Variants in DYRK1A observed in about 807,000 individuals in gnomAD.
DYRK1A encodes dual specificity tyrosine-phosphorylation-regulated kinase 1A.
A neutral mutation model predicts 79.7 loss-of-function variants in DYRK1A; 9 were observed. The observed-to-expected ratio is 0.11, with a 90% confidence interval of 0.07 to 0.20. The LOEUF (loss-of-function observed/expected upper bound fraction) is 0.20, where lower values mean the gene tolerates loss of function less well. Among genes scored for constraint, DYRK1A ranks in the 10% least tolerant of loss-of-function variants. The probability of loss-of-function intolerance (pLI) is 1.00; values close to 1 mark genes in which losing one functional copy is unlikely to be tolerated. For synonymous variants in DYRK1A, 349 were observed against 329.7 expected (o/e 1.06, Z -0.63); for missense variants, 622 against 956.0 (o/e 0.65, Z 4.61).
chr21:37,473,837 T>G (rs1409136563), intron 3 of DYRK1A, among the ~76,000 whole-genome samples: 2 of 152,188 alleles, frequency 1.3e-5, no homozygotes, highest in East Asian at 3.8e-4. Flanking sequence ...GACTTAAGAT[T>G]TTATGTAGTG....
rs576238411 is a variant in DYRK1A at position 37,420,624 on chromosome 21, A to G, written c.10+240A>G. 6.6e-5 allele frequency among the ~76,000 whole-genome samples: 10 copies of G among 152,270 alleles called. No homozygotes were observed. In the South Asian group the frequency reaches 1.5e-3, roughly 22 times the overall value. On this transcript the variant is annotated intron_variant, in intron 2 of 11. Transcript: ENST00000647188. ...GTAAATGCTAGCACTTAGGCTTTTC[A>G]AGAGCTAATATTTTGGTGGGAATTG...
At chr21:37,446,960 A>T (rs528512733) in intron 2 of DYRK1A, among the ~76,000 whole-genome samples, 1 of 152,188 alleles carries the variant, frequency 6.6e-6, no homozygotes, top group African/African-American at 2.4e-5. Flanking sequence ...CCTGATTGTT[A>T]CTAGTCTTGC....
intron 2 of DYRK1A, among the ~76,000 whole-genome samples, chr21:37,431,629 T>C (rs1428381432): frequency 6.6e-6 from 1 of 152,196 alleles, no homozygotes; most frequent in Non-Finnish European, 1.5e-5. Flanking sequence ...GGATGACTAC[T>C]TACCCCTTGC....
rs535490797 is a variant in DYRK1A, at chr21:37,431,895, G to T, written c.10+11511G>T. Among the ~76,000 whole-genome samples the T allele has an allele frequency of 6.0e-5, 9 of 150,808 alleles. No homozygotes were observed. In the East Asian group the frequency reaches 1.8e-3, roughly 30 times the overall value. ...CCCTAAAGTTAATTTGCAAGAAATT[G>T]ATACAAAAATACTTTATGTAGTTTG... On this transcript the variant is annotated intron_variant, in intron 2 of 11. Coordinates refer to ENST00000647188, the MANE Select transcript of DYRK1A (RefSeq NM_001347721.2).
At chr21:37,406,755 A>ATC (rs1569297335) in intron 1 of DYRK1A, among the ~76,000 whole-genome samples, 2 of 44,342 alleles carry the variant, frequency 4.5e-5, no homozygotes, top group Non-Finnish European at 1.2e-4. Context: ...ATCTCTATAT[A>ATC]TCTATATATG....
chr21:37,439,872 T>G (rs972896785), intron 2 of DYRK1A, among the ~76,000 whole-genome samples: 5 of 152,282 alleles, frequency 3.3e-5, no homozygotes, highest in African/African-American at 1.2e-4. Context: ...TTTTTATTTT[T>G]TAGTTAATTT....
intron 1 of DYRK1A, among the ~76,000 whole-genome samples, chr21:37,376,530 C>T (rs1025528747): frequency 1.3e-5 from 2 of 151,956 alleles, no homozygotes; most frequent in South Asian, 4.2e-4. Flanking sequence ...AGAAATATCA[C>T]CTTGTGGTAT....
chr21:37,425,831 A>T (rs1489877508), intron 2 of DYRK1A: 4 of 152,374 alleles, frequency 2.6e-5, no homozygotes, highest in South Asian at 2.1e-4. Flanking sequence ...TGGTATCAGC[A>T]TTTGTGCAGA....
intron 2 of DYRK1A, among the ~76,000 whole-genome samples, chr21:37,456,504 G>C (rs751994247): frequency 1.8e-4 from 27 of 152,168 alleles, no homozygotes; most frequent in Non-Finnish European, 3.7e-4. Flanking sequence ...AGGCTGTTTG[G>C]AAAGAACGTC....
chr21:37,395,405 CTG>C (rs2049942660), intron 1 of DYRK1A, among the ~76,000 whole-genome samples: 2 of 152,126 alleles, frequency 1.3e-5, no homozygotes, highest in South Asian at 4.1e-4. Context: ...CAGCTTGAAT[CTG>C]TGCTCCCGCT....
chr21:37,411,953 G>A (rs1001932666), intron 1 of DYRK1A, among the ~76,000 whole-genome samples: 1 of 152,116 alleles, frequency 6.6e-6, no homozygotes, highest in Non-Finnish European at 1.5e-5. Flanking sequence ...GTATTCCGCT[G>A]TGCCAATCTG....
At chr21:37,485,297 A>G (rs2052816620) in intron 5 of DYRK1A, among the ~76,000 whole-genome samples, 1 of 152,214 alleles carries the variant, frequency 6.6e-6, no homozygotes. Flanking sequence ...CAGTCAGTAC[A>G]TCCAGTGAAG....
intron 2 of DYRK1A, among the ~76,000 whole-genome samples, chr21:37,449,329 A>G (rs906775877): frequency 6.6e-6 from 1 of 152,218 alleles, no homozygotes; most frequent in Non-Finnish European, 1.5e-5. Flanking sequence ...TAATAGTCCA[A>G]TGACTGTTAG....
chr21:37,436,894 T>TG (rs943611467), intron 2 of DYRK1A, among the ~76,000 whole-genome samples: 7 of 152,156 alleles, frequency 4.6e-5, no homozygotes, highest in East Asian at 1.9e-4. Flanking sequence ...CTATATGACA[T>TG]GGTGGAGTAT....
At chr21:37,409,690 AG>A (rs2050209237) in intron 1 of DYRK1A, among the ~76,000 whole-genome samples, 1 of 152,222 alleles carries the variant, frequency 6.6e-6, no homozygotes. Flanking sequence ...ATAATAAATT[AG>A]TAATTACTCA....
At chr21:37,380,265 T>G (rs2049630015) in intron 1 of DYRK1A, among the ~76,000 whole-genome samples, 1 of 152,268 alleles carries the variant, frequency 6.6e-6, no homozygotes, top group Non-Finnish European at 1.5e-5. Context: ...TGGTGTTTTT[T>G]ACTTTATCTT....
At chr21:37,375,285 G>T (rs1172083915) in intron 1 of DYRK1A, among the ~76,000 whole-genome samples, 1 of 152,214 alleles carries the variant, frequency 6.6e-6, no homozygotes, top group African/African-American at 2.4e-5. Flanking sequence ...GTAAGGTTTT[G>T]TTAGTATCAG....
chr21:37,376,432 C>G (rs1404121048), intron 1 of DYRK1A, among the ~76,000 whole-genome samples: 2 of 152,080 alleles, frequency 1.3e-5, no homozygotes, highest in African/African-American at 4.8e-5. Context: ...TTGTTGGAAC[C>G]CTGGAAGCGG....
At chr21:37,383,191 AGGGATGGGGAT>A (rs1053248774) in intron 1 of DYRK1A, among the ~76,000 whole-genome samples, 9 of 152,134 alleles carry the variant, frequency 5.9e-5, no homozygotes, top group Admixed American at 1.3e-4. Flanking sequence ...CTAGTCAAGG[AGGGATGGGGAT>A]GGGATAGCAG....
Sources: allele counts gnomAD v4.1 joint callset (sites outside exome capture counted in the v4.1 genomes callset), GRCh38; gene constraint gnomAD v4.1.1; transcripts MANE v1.5; gene names NCBI Gene and HGNC (gene_info 2026-07-23, HGNC 2026-07-21).